TMEM177: variants seen among roughly 807,000 people sequenced by gnomAD.
TMEM177 encodes transmembrane protein 177.
Under a neutral mutation model 14.2 loss-of-function variants are expected in TMEM177, and 4 were observed. The ratio of observed to expected loss-of-function variants is 0.28; its 90% CI spans 0.14 to 0.64. The LOEUF (loss-of-function observed/expected upper bound fraction) is 0.64. Among genes scored for constraint, TMEM177 ranks in the 30% least tolerant of loss-of-function variants. TMEM177 has a pLI of 0.82. For missense variants in TMEM177, 344 were observed against 405.2 expected (o/e 0.85, Z 1.30); for synonymous variants, 179 against 174.5 (o/e 1.03, Z -0.20).
At chr2:119,717,469 A>C in the TMEM177 span, among the ~76,000 whole-genome samples, 40 of 152,150 alleles carry the variant, frequency 2.6e-4, no homozygotes, top group East Asian at 6.0e-3. Flanking sequence ...CATAGTTATG[A>C]GTGTAGATGT....
At chr2:119,680,498 G>A (rs1051620935) in intron 1 of TMEM177, among the ~76,000 whole-genome samples, 1 of 152,122 alleles carries the variant, frequency 6.6e-6, no homozygotes, top group Non-Finnish European at 1.5e-5. Flanking sequence ...TTGGAGTGCC[G>A]TGCCCAGCGA....
chr2:119,716,489 A>G, the TMEM177 span, among the ~76,000 whole-genome samples: 1 of 152,190 alleles, frequency 6.6e-6, no homozygotes, highest in South Asian at 2.1e-4. Context: ...CCACGCCAGG[A>G]TCCTCTCTCA....
At chr2:119,706,280 C>T in the TMEM177 span, among the ~76,000 whole-genome samples, 10 of 152,128 alleles carry the variant, frequency 6.6e-5, no homozygotes, top group Non-Finnish European at 1.2e-4. Context: ...CCTGCCTCGG[C>T]CTTCCAAAGT....
chr2:119,701,727 G>A, the TMEM177 span, among the ~76,000 whole-genome samples: 2 of 152,342 alleles, frequency 1.3e-5, no homozygotes, highest in East Asian at 1.9e-4. Context: ...GGGAGACCGG[G>A]AGTTTTATTA....
Position 119,680,836 on chromosome 2 carries a change from T to A in TMEM177, c.-18T>A. On this transcript the variant is annotated 5_prime_UTR_variant, in exon 2 of 2. It introduces an in-frame stop codon into an upstream open reading frame of the 5' UTR. Coordinates refer to ENST00000272521, the MANE Select transcript of TMEM177 (RefSeq NM_030577.3). ...CTTCTCTTTTTCTTGGCCCAGATTGTCCGCAGTGACTACACTCATGGCAGG... is the reference window on the plus strand; with the variant it reads ...CTTCTCTTTTTCTTGGCCCAGATTGACCGCAGTGACTACACTCATGGCAGG... The A allele has an allele frequency of 6.2e-7, 1 of 1,602,216 alleles. No individual in the cohort carries two copies. The highest frequency in any genetic ancestry group is 2.2e-5 in the East Asian group (1 of 44,638).
chr2:119,680,072 G>A (rs932603108), intron 1 of TMEM177, among the ~76,000 whole-genome samples: 1 of 152,146 alleles, frequency 6.6e-6, no homozygotes, highest in African/African-American at 2.4e-5. Context: ...TCTTCCTGCT[G>A]TGCCTGTTTG....
the TMEM177 span, among the ~76,000 whole-genome samples, chr2:119,694,010 A>C: frequency 0.016 from 9 of 560 alleles, no homozygotes; most frequent in South Asian, 0.25. Flanking sequence ...ATACGCATAC[A>C]CATTACACAT....
At chr2:119,717,777 T>TTTG in the TMEM177 span, among the ~76,000 whole-genome samples, 2 of 151,532 alleles carry the variant, frequency 1.3e-5, no homozygotes, top group African/African-American at 2.4e-5. Context: ...CCCAGCTAAT[T>TTTG]TTGTTGTTGT....
At chr2:119,697,632 G>GC in the TMEM177 span, among the ~76,000 whole-genome samples, 2 of 152,062 alleles carry the variant, frequency 1.3e-5, no homozygotes, top group African/African-American at 4.8e-5. Context: ...AGCACTGCAG[G>GC]CCCCCCTTCC....
At chr2:119,705,468 C>T in the TMEM177 span, among the ~76,000 whole-genome samples, 11 of 152,088 alleles carry the variant, frequency 7.2e-5, no homozygotes, top group Non-Finnish European at 1.6e-4. Flanking sequence ...GACTGAAGTC[C>T]CTATTTTCTT....
At chr2:119,722,256 C>T in the TMEM177 span, among the ~76,000 whole-genome samples, 1 of 151,968 alleles carries the variant, frequency 6.6e-6, no homozygotes, top group African/African-American at 2.4e-5. Context: ...TGGCACACAC[C>T]AGTAGTCCCA....
At chr2:119,708,187 T>TG in the TMEM177 span, among the ~76,000 whole-genome samples, 1 of 152,198 alleles carries the variant, frequency 6.6e-6, no homozygotes, top group South Asian at 2.1e-4. Context: ...AAGACTCCAG[T>TG]GGTCTTTGTC....
At position 119,681,405 on chromosome 2, in the gene TMEM177, C is replaced by A. The variant is rs745898356; in HGVS notation, c.552C>A (p.Gly184=). The change falls in exon 2 of 2, where the codon GGC becomes GGA. Residue 184 remains glycine, a synonymous_variant. Transcript: ENST00000272521. ...GCCTGGCAGGGACCTGGGCACTGGGCGTGGGTGCCAAGTACACCCTGGGGC... is the reference window on the plus strand; with the variant it reads ...GCCTGGCAGGGACCTGGGCACTGGGAGTGGGTGCCAAGTACACCCTGGGGC... The part of the protein sequence containing the change: ...PACLAGTWAL[G]VGAKYTLGLH... 1 of 1,613,906 alleles carries A rather than the reference C, an allele frequency of 6.2e-7. No homozygotes were observed. Among genetic ancestry groups the A allele is most frequent in the African/African-American group, 1.3e-5 (1 of 75,070 alleles).
At chr2:119,707,193 A>G in the TMEM177 span, among the ~76,000 whole-genome samples, 2 of 152,094 alleles carry the variant, frequency 1.3e-5, no homozygotes, top group African/African-American at 4.8e-5. Flanking sequence ...CCGGCCTGAG[A>G]CTTGCCTTTT....
At chr2:119,708,576 TTTGGTAGATA>T in the TMEM177 span, among the ~76,000 whole-genome samples, 3 of 152,080 alleles carry the variant, frequency 2.0e-5, no homozygotes, top group African/African-American at 7.2e-5. Flanking sequence ...ACACATTGCA[TTTGGTAGATA>T]TGTCTCCTGA....
rs772413164 is a variant in TMEM177 at position 119,681,674 on chromosome 2, C to G, written c.821C>G (p.Pro274Arg). 24 of 1,614,174 alleles carry G rather than the reference C, an allele frequency of 1.5e-5. No individual in the cohort carries two copies. The highest frequency in any genetic ancestry group is 2.0e-5 in the Non-Finnish European group (24 of 1,180,048). Residue 274 changes from proline (P) to arginine (R), a missense_variant, in exon 2 of 2, where the codon CCC (proline) becomes CGC (arginine). Transcript: ENST00000272521. The part of the protein sequence containing the change: ...LGKDGEKLYT[P>R]SGNIVPRHLF... ...AAAGACGGGGAGAAGCTGTATACAC[C>G]CAGCGGGAACATCGTCCCCAGACAC...
the TMEM177 span, among the ~76,000 whole-genome samples, chr2:119,696,151 A>G: frequency 6.6e-6 from 1 of 152,144 alleles, no homozygotes; most frequent in African/African-American, 2.4e-5. Flanking sequence ...GAATTAATGC[A>G]TGAGTGAGGT....
At chr2:119,699,423 G>A in the TMEM177 span, among the ~76,000 whole-genome samples, 4,594 of 152,256 alleles carry the variant, frequency 0.03, 246 homozygotes, top group African/African-American at 0.1. Flanking sequence ...TTCAGCTAAA[G>A]ACAGGGCTCT....
At chr2:119,707,020 T>C in the TMEM177 span, among the ~76,000 whole-genome samples, 2 of 152,056 alleles carry the variant, frequency 1.3e-5, no homozygotes, top group African/African-American at 4.8e-5. Context: ...CAAGCGATTC[T>C]CCTGCCTCAG....
Sources: gnomAD v4.1 joint callset for allele counts (sites outside exome capture counted in the v4.1 genomes callset) on GRCh38, gnomAD v4.1.1 for gene constraint, MANE v1.5 for transcripts, NCBI Gene and HGNC (gene_info 2026-07-23, HGNC 2026-07-21) for gene names.